The following EYS variants were observed in gnomAD, a reference collection of about 807,000 sequenced individuals.
The protein encoded by EYS is EGF-like photoreceptor maintenance factor.
In EYS, 250 loss-of-function variants were observed where a neutral mutation model predicts 282.1. That is an observed-to-expected ratio of 0.89 (90% CI 0.80 to 0.98). The LOEUF is 0.98. Among genes scored for constraint, EYS ranks in the 50% least tolerant of loss-of-function variants. The pLI is 0.00. For synonymous variants in EYS, 1,355 were observed against 1,282.9 expected (o/e 1.06, Z -1.20); for missense variants, 4,016 against 3,709.0 (o/e 1.08, Z -2.15).
intron 8 of EYS, among the ~76,000 whole-genome samples, chr6:65,379,225 C>G (rs1765517372): frequency 6.6e-6 from 1 of 151,988 alleles, no homozygotes; most frequent in African/African-American, 2.4e-5. Flanking sequence ...CAATAAAATA[C>G]TGGCAAATGG....
intron 30 of EYS, among the ~76,000 whole-genome samples, chr6:64,244,459 CG>C (rs1766941220): frequency 6.6e-6 from 1 of 152,086 alleles, no homozygotes; most frequent in South Asian, 2.1e-4. Flanking sequence ...TTGAACAGAA[CG>C]TTTTCAGTGT....
At chr6:65,454,695 T>A (rs996603386) in intron 5 of EYS, among the ~76,000 whole-genome samples, 15 of 152,064 alleles carry the variant, frequency 9.9e-5, no homozygotes, top group African/African-American at 3.6e-4. Flanking sequence ...GGTGAGAGTT[T>A]GGGGTCTAGT....
intron 19 of EYS, among the ~76,000 whole-genome samples, chr6:64,825,494 A>C (rs1206518924): frequency 1.3e-5 from 2 of 151,846 alleles, no homozygotes; most frequent in Admixed American, 1.3e-4. Context: ...TTATGTGTGC[A>C]TGTTTTTGTA....
chr6:64,002,996 G>A (rs1187459866), intron 33 of EYS, among the ~76,000 whole-genome samples: 3 of 152,060 alleles, frequency 2.0e-5, no homozygotes, highest in Non-Finnish European at 2.9e-5. Flanking sequence ...TTGTTTCCTG[G>A]ATTCCATGCC....
At chr6:64,221,938 T>C (rs1475253808) in intron 31 of EYS, among the ~76,000 whole-genome samples, 1 of 151,948 alleles carries the variant, frequency 6.6e-6, no homozygotes, top group Non-Finnish European at 1.5e-5. Flanking sequence ...TGTGGAGTAG[T>C]GGGGACTACT....
chr6:65,002,414 C>G (rs1162935000), intron 13 of EYS, among the ~76,000 whole-genome samples: 1 of 147,416 alleles, frequency 6.8e-6, no homozygotes, highest in East Asian at 2.1e-4. Flanking sequence ...GCTCAGCTGG[C>G]ACAATGTTAG....
rs569052581 is a variant in EYS at position 64,492,469 on chromosome 6, T to C, written c.5645-53117A>G. Among the ~76,000 whole-genome samples the C allele has an allele frequency of 9.9e-5, 15 of 151,228 alleles. No homozygotes were observed. In the Middle Eastern group the frequency reaches 0.01, roughly 103 times the overall value. On this transcript the variant is annotated intron_variant, in intron 26 of 42. Transcript: ENST00000503581. ...TCCCAGTTCATGCTGGTCCTGTTTT[T>C]TTGTTGTTGTTGTTGTTGTTGTTTT... is the stretch of plus-strand genomic sequence containing the variant.
chr6:64,296,100 C>T (rs1768973086), intron 30 of EYS, among the ~76,000 whole-genome samples: 2 of 152,088 alleles, frequency 1.3e-5, no homozygotes, highest in South Asian at 4.1e-4. Context: ...TTACATTCCA[C>T]TTTTTAACTC....
At chr6:63,783,419 A>T (rs1459498445) in intron 39 of EYS, among the ~76,000 whole-genome samples, 1 of 152,172 alleles carries the variant, frequency 6.6e-6, no homozygotes, top group Non-Finnish European at 1.5e-5. Context: ...GCATAGCTGT[A>T]AGAGAGTCTG....
At chr6:64,405,784 C>G (rs1381365664) in intron 28 of EYS, among the ~76,000 whole-genome samples, 1 of 151,972 alleles carries the variant, frequency 6.6e-6, no homozygotes, top group East Asian at 1.9e-4. Context: ...TGGGAAGGAC[C>G]TCAAGGAGAA....
At chr6:64,738,260 A>T (rs888268242) in intron 22 of EYS, among the ~76,000 whole-genome samples, 2 of 152,168 alleles carry the variant, frequency 1.3e-5, no homozygotes, top group Admixed American at 6.5e-5. Flanking sequence ...CCCTCCCTAC[A>T]GTAATGAATG....
At chr6:65,337,990 A>G (rs1770050709) in intron 10 of EYS, among the ~76,000 whole-genome samples, 1 of 151,150 alleles carries the variant, frequency 6.6e-6, no homozygotes, top group Admixed American at 6.6e-5. Flanking sequence ...GAAAATCTGA[A>G]AGAACTAAAG....
chr6:64,393,612 G>C (rs1297208613), intron 28 of EYS, among the ~76,000 whole-genome samples: 1 of 151,966 alleles, frequency 6.6e-6, no homozygotes, highest in African/African-American at 2.4e-5. Flanking sequence ...CAATAAATTA[G>C]GTATTGATGG....
intron 14 of EYS, among the ~76,000 whole-genome samples, chr6:64,988,853 C>T (rs933062224): frequency 6.6e-6 from 1 of 151,338 alleles, no homozygotes; most frequent in African/African-American, 2.4e-5. Flanking sequence ...AACACATGAT[C>T]AGTGAAGAAA....
chr6:64,346,899 AC>A, intron 29 of EYS, among the ~76,000 whole-genome samples: 1 of 151,436 alleles, frequency 6.6e-6, no homozygotes, highest in Non-Finnish European at 1.5e-5. Flanking sequence ...TATATGTATC[AC>A]TATAAGCTCT....
chr6:65,464,134 T>C (rs1210785897), intron 5 of EYS, among the ~76,000 whole-genome samples: 2 of 152,170 alleles, frequency 1.3e-5, no homozygotes, highest in Non-Finnish European at 2.9e-5. Context: ...TCTTATGCAA[T>C]TACGCGGTCC....
chr6:64,673,165 T>G (rs1769526327), intron 22 of EYS, among the ~76,000 whole-genome samples: 1 of 152,152 alleles, frequency 6.6e-6, no homozygotes, highest in Admixed American at 6.6e-5. Context: ...AATTTCATAT[T>G]CAGGATATTA....
chr6:64,714,102 G>A (rs1348254797), intron 22 of EYS, among the ~76,000 whole-genome samples: 1 of 152,170 alleles, frequency 6.6e-6, no homozygotes, highest in East Asian at 1.9e-4. Flanking sequence ...TCTTTGAGAG[G>A]CAATGTGGTC....
chr6:65,212,946 G>A lies in EYS; in HGVS notation c.2023+82917C>T, dbSNP rs1345107443. On this transcript the variant is annotated intron_variant, in intron 12 of 42. Transcript: ENST00000503581. Reference sequence around the variant, plus strand: ...TTTCAATTTTGGACAAGTAAATGGGGCTTATATTTTATGTAATTTTAATAT... The same window carrying A: ...TTTCAATTTTGGACAAGTAAATGGGACTTATATTTTATGTAATTTTAATAT... Among the ~76,000 whole-genome samples the A allele has an allele frequency of 2.0e-5, 3 of 151,806 alleles. No individual in the cohort carries two copies. In the East Asian group the frequency reaches 5.8e-4, roughly 29 times the overall value.
Sources: gnomAD v4.1 joint callset for allele counts (sites outside exome capture counted in the v4.1 genomes callset) on GRCh38, gnomAD v4.1.1 for gene constraint, MANE v1.5 for transcripts, NCBI Gene and HGNC (gene_info 2026-07-23, HGNC 2026-07-21) for gene names.